Variants in ZNF148 observed in about 807,000 individuals in gnomAD.
ZNF148 encodes the protein zinc finger protein 148.
A neutral mutation model predicts 67.7 loss-of-function variants in ZNF148; 7 were observed. The observed-to-expected ratio is 0.10, with a 90% CI of 0.06 to 0.19. The LOEUF (loss-of-function observed/expected upper bound fraction) is 0.19. Among genes scored for constraint, ZNF148 ranks in the 10% least tolerant of loss-of-function variants. The probability of loss-of-function intolerance (pLI) is 1.00; values close to 1 mark genes in which losing one functional copy is unlikely to be tolerated. For synonymous variants in ZNF148, 333 were observed against 330.7 expected (o/e 1.01, Z -0.08); for missense variants, 583 against 947.1 (o/e 0.62, Z 5.05).
At chr3:125,257,000 C>T (rs1237590703) in intron 7 of ZNF148, among the ~76,000 whole-genome samples, 2 of 124,216 alleles carry the variant, frequency 1.6e-5, no homozygotes, top group African/African-American at 6.2e-5. Context: ...TTACAAACTG[C>T]AATTCTCTGG....
chr3:125,233,447 A>C lies in ZNF148; in HGVS notation c.1279T>G (p.Phe427Val), dbSNP rs1297173818. ...AAAGCCTGTTTATCCACAAGTTCAA[A>C]AGCATACTTTGAAACTTTGCTCTCT... Reference protein sequence around the residue: ...YEESKVSKYAFELVDKQALLD... With the variant: ...YEESKVSKYAVELVDKQALLD... The change falls in exon 9 of 9, where the codon TTT (phenylalanine) becomes GTT (valine). Residue 427 changes from phenylalanine to valine, a missense_variant. Coordinates refer to ENST00000360647, the MANE Select transcript of ZNF148 (RefSeq NM_021964.3). The surrounding 1 kb of genome is among the most constrained non-coding windows in gnomAD (Gnocchi z 5.1). The C allele has an allele frequency of 6.2e-7, 1 of 1,613,934 alleles. No homozygotes were observed. Among genetic ancestry groups the C allele is most frequent in the Admixed American group, 1.7e-5 (1 of 59,952 alleles).
chr3:125,362,518 T>G (rs184244457), intron 1 of ZNF148, among the ~76,000 whole-genome samples: 13 of 152,032 alleles, frequency 8.6e-5, no homozygotes, highest in Non-Finnish European at 1.3e-4. Context: ...CCAAATCATA[T>G]GATCCCCCAC....
intron 2 of ZNF148, among the ~76,000 whole-genome samples, chr3:125,324,225 C>T (rs1940921178): frequency 6.6e-6 from 1 of 151,922 alleles, no homozygotes; most frequent in Admixed American, 6.6e-5. Flanking sequence ...AGTAATCATA[C>T]CTGCTTTGTT....
intron 7 of ZNF148, among the ~76,000 whole-genome samples, chr3:125,236,018 G>A (rs372772402): frequency 1.3e-5 from 2 of 151,074 alleles, no homozygotes; most frequent in Non-Finnish European, 2.9e-5. Flanking sequence ...GTTAATGGGT[G>A]CAGCACACCA....
At chr3:125,347,797 T>C (rs1024904757) in intron 1 of ZNF148, among the ~76,000 whole-genome samples, 2 of 152,096 alleles carry the variant, frequency 1.3e-5, no homozygotes, top group African/African-American at 4.8e-5. Context: ...CCCAAACAGC[T>C]GAGACTACAG....
chr3:125,260,466 A>G (rs1181447109), intron 7 of ZNF148, among the ~76,000 whole-genome samples: 2 of 152,228 alleles, frequency 1.3e-5, no homozygotes, highest in African/African-American at 4.8e-5. Context: ...GCATCAACAC[A>G]GATGACTTTC....
chr3:125,298,346 T>TACACACACACACACACACACAC (rs141809192), intron 4 of ZNF148, among the ~76,000 whole-genome samples: 7,233 of 145,590 alleles, frequency 0.05, 229 homozygotes, highest in Admixed American at 0.07. Context: ...TAAATGTGCA[T>TACACACACACACACACACACAC]ACACACACAC....
At chr3:125,357,928 T>C (rs1011322086) in intron 1 of ZNF148, 1 of 69,682 alleles carries the variant, frequency 1.4e-5, no homozygotes, top group African/African-American at 7.7e-5. Flanking sequence ...ATTTTAGTTT[T>C]TTCTTGCCTT....
At chr3:125,308,004 C>A (rs1383272857) in intron 4 of ZNF148, among the ~76,000 whole-genome samples, 1 of 152,022 alleles carries the variant, frequency 6.6e-6, no homozygotes, top group African/African-American at 2.4e-5. Flanking sequence ...CCCTTAAGAT[C>A]TGGAACAAAG....
At chr3:125,250,904 T>C (rs939511763) in intron 7 of ZNF148, among the ~76,000 whole-genome samples, 1 of 152,178 alleles carries the variant, frequency 6.6e-6, no homozygotes, top group Non-Finnish European at 1.5e-5. Context: ...ATCTTAATTA[T>C]CATTATGGAT....
intron 4 of ZNF148, among the ~76,000 whole-genome samples, chr3:125,307,030 T>TAC (rs1446983762): frequency 2.8e-5 from 4 of 143,798 alleles, no homozygotes; most frequent in Admixed American, 7.0e-5. Context: ...GAGGCCAATA[T>TAC]ACCTAAAAAC....
At chr3:125,236,199 T>C (rs1248314578) in intron 7 of ZNF148, among the ~76,000 whole-genome samples, 1 of 152,170 alleles carries the variant, frequency 6.6e-6, no homozygotes, top group Non-Finnish European at 1.5e-5. Context: ...TATACTGATG[T>C]AGTTCAAAGT....
chr3:125,374,922 T>A (rs558162803), intron 1 of ZNF148, among the ~76,000 whole-genome samples, 180 bp downstream of exon 1: 47 of 144,436 alleles, frequency 3.3e-4, no homozygotes, highest in African/African-American at 1.1e-3. Context: ...CTTCCTCACG[T>A]CCCCCAGCCA....
intron 2 of ZNF148, among the ~76,000 whole-genome samples, chr3:125,325,101 T>G (rs183433222): frequency 5.3e-5 from 8 of 152,190 alleles, no homozygotes; most frequent in African/African-American, 1.9e-4. Flanking sequence ...AAGGAACTCA[T>G]GTTTTAAAGT....
intron 7 of ZNF148, among the ~76,000 whole-genome samples, chr3:125,240,225 G>A (rs900468492): frequency 6.6e-6 from 1 of 152,080 alleles, no homozygotes; most frequent in African/African-American, 2.4e-5. Flanking sequence ...CGAGTGCAGC[G>A]CCTCACGTCT....
chr3:125,280,004 A>AT (rs1474391198), intron 5 of ZNF148, among the ~76,000 whole-genome samples: 2 of 152,168 alleles, frequency 1.3e-5, no homozygotes, highest in East Asian at 3.8e-4. Flanking sequence ...CTAAAAAAAA[A>AT]AGAGAACACT....
intron 1 of ZNF148, among the ~76,000 whole-genome samples, chr3:125,335,418 G>A (rs1941451734): frequency 6.6e-6 from 1 of 152,066 alleles, no homozygotes; most frequent in Admixed American, 6.5e-5. Flanking sequence ...TAATAAAATG[G>A]CGAAACTTGG....
At chr3:125,328,478 T>C (rs745679111) in intron 2 of ZNF148, among the ~76,000 whole-genome samples, 21 of 152,262 alleles carry the variant, frequency 1.4e-4, no homozygotes, top group Non-Finnish European at 2.5e-4. Context: ...AATGTAAGCA[T>C]GTATCAAAAT....
chr3:125,342,001 G>T (rs1275834924), intron 1 of ZNF148, among the ~76,000 whole-genome samples: 2 of 149,554 alleles, frequency 1.3e-5, no homozygotes, highest in African/African-American at 4.9e-5. Context: ...TTTCGGGGCG[G>T]GGGGGGGAAT....
Sources: allele counts gnomAD v4.1 joint callset (sites outside exome capture counted in the v4.1 genomes callset), GRCh38; gene constraint gnomAD v4.1.1; non-coding constraint Gnocchi (gnomAD v3.1); transcripts MANE v1.5; gene names NCBI Gene and HGNC (gene_info 2026-07-23, HGNC 2026-07-21).